The following SLC34A2 variants were observed in gnomAD, a reference collection of about 807,000 sequenced individuals.
SLC34A2 encodes the protein solute carrier family 34 member 2.
SLC34A2 carries 41 observed loss-of-function variants against 50.8 expected under a neutral mutation model. The observed-to-expected ratio is 0.81, with a 90% CI of 0.63 to 1.05. The LOEUF (loss-of-function observed/expected upper bound fraction) is 1.05. Ranked by LOEUF, SLC34A2 falls within the 50% of genes least tolerant of loss-of-function variation. SLC34A2 has a pLI of 0.00. For synonymous variants in SLC34A2, 401 were observed against 364.2 expected (o/e 1.10, Z -1.15); for missense variants, 879 against 876.7 (o/e 1.00, Z -0.03).
At position 25,676,646 on chromosome 4, in the gene SLC34A2, T is replaced by A. The variant is rs1577506439; in HGVS notation, c.1970T>A (p.Val657Asp). The A allele has an allele frequency of 6.2e-7, 1 of 1,614,110 alleles. No individual in the cohort carries two copies. The highest frequency in any genetic ancestry group is 1.3e-5 in the African/African-American group (1 of 75,050). The change falls in exon 13 of 13, where the codon GTC becomes GAC. Residue 657 changes from valine to aspartate, a missense_variant. By Grantham distance (152) the Val-to-Asp change is radical. Transcript: ENST00000382051. Reference sequence around the variant, plus strand: ...GAGGAGGCGCAGGAGGGGCAGGATGTCCCTGTCAAGGCTCCTGAGACCTTT... The same window carrying A: ...GAGGAGGCGCAGGAGGGGCAGGATGACCCTGTCAAGGCTCCTGAGACCTTT... ...DLEEAQEGQD[V>D]PVKAPETFDN...
At position 25,676,476 on chromosome 4, in the gene SLC34A2, G is replaced by A. The variant is rs372260981; in HGVS notation, c.1800G>A (p.Leu600=). The A allele has an allele frequency of 6.2e-7, 1 of 1,614,210 alleles. No homozygotes were observed. The part of the protein sequence containing the change: ...WNFLPLWMRS[L]KPWDAVVSKF... ...TCCTGCCGCTGTGGATGCGCTCGCT[G>A]AAGCCCTGGGATGCCGTCGTCTCCA... The change falls in exon 13 of 13, where the codon CTG becomes CTA. Residue 600 remains leucine (L), a synonymous_variant. Transcript: ENST00000382051.
At chr4:25,656,113 A>G (rs1713867202) in intron 1 of SLC34A2, among the ~76,000 whole-genome samples, 1 of 152,086 alleles carries the variant, frequency 6.6e-6, no homozygotes, top group Admixed American at 6.5e-5. Flanking sequence ...CTTACGATCG[A>G]CAGTGTTATT....
chr4:25,669,881 C>T lies in SLC34A2; in HGVS notation c.831+39C>T, dbSNP rs747519824. On this transcript the variant is annotated intron_variant, in intron 7 of 12. Transcript: ENST00000382051. Reference sequence around the variant, plus strand: ...TTCAGAGAGAGAAGGAGACTAACTTCCTACCCACAACATCCCCTACCTGAG... The same window carrying T: ...TTCAGAGAGAGAAGGAGACTAACTTTCTACCCACAACATCCCCTACCTGAG... 7 of 1,543,412 alleles carry T rather than the reference C, an allele frequency of 4.5e-6. No homozygotes were observed. In the East Asian group the frequency reaches 1.3e-4, roughly 30 times the overall value.
intron 6 of SLC34A2, among the ~76,000 whole-genome samples, chr4:25,668,514 C>T (rs572363492): frequency 2.0e-5 from 3 of 152,158 alleles, no homozygotes; most frequent in Non-Finnish European, 4.4e-5. Flanking sequence ...TGGTTGCCAG[C>T]GTCTGTAATC....
rs1374202786 is a variant in SLC34A2, at chr4:25,676,153, T to G, written c.1477T>G (p.Phe493Val). ...GTTGCAGATCGCCCTGTGCCACTTT[T>G]TCTTCAACATCTCCGGCATCTTGCT... is the stretch of plus-strand genomic sequence containing the variant. The part of the protein sequence containing the change: ...SSLQIALCHF[F>V]FNISGILLWY... The change falls in exon 13 of 13, where the codon TTC (phenylalanine) becomes GTC (valine). Residue 493 changes from phenylalanine to valine, a missense_variant. Phe to Val is a conservative substitution (Grantham distance 50). Transcript: ENST00000382051. 3 of 1,614,150 alleles carry G rather than the reference T, an allele frequency of 1.9e-6. No individual in the cohort carries two copies. The highest frequency in any genetic ancestry group is 2.5e-6 in the Non-Finnish European group (3 of 1,180,032).
chr4:25,656,974 C>T lies in SLC34A2; in HGVS notation c.-4+1084C>T, dbSNP rs1248321259. Among the ~76,000 whole-genome samples, 5 of 152,148 alleles carry T rather than the reference C, an allele frequency of 3.3e-5. No homozygotes were observed. In the South Asian group the frequency reaches 8.3e-4, roughly 25 times the overall value. ...GGAAAACTGTGCTTGTAGGAGTGGC[C>T]GTTGTTTCAGATTGTTAAAGAAAAA... is the stretch of plus-strand genomic sequence containing the variant. On this transcript the variant is annotated intron_variant, in intron 1 of 12. Coordinates refer to ENST00000382051, the MANE Select transcript of SLC34A2 (RefSeq NM_006424.3).
intron 1 of SLC34A2, among the ~76,000 whole-genome samples, chr4:25,658,952 TGCAACATTCTTGGGCGG>T (rs1284043758): frequency 2.0e-5 from 2 of 99,632 alleles, no homozygotes; most frequent in African/African-American, 7.7e-5. Flanking sequence ...GCTCATCCAT[TGCAACATTCTTGGGCGG>T]GCATTTCCAG....
intron 6 of SLC34A2, 113 bp downstream of exon 6, chr4:25,668,104 G>T (rs1393974416): frequency 2.7e-6 from 2 of 750,022 alleles, no homozygotes; most frequent in African/African-American, 3.4e-5. Context: ...CATTCCTGGA[G>T]TTCCTAGAAG....
intron 1 of SLC34A2, among the ~76,000 whole-genome samples, chr4:25,661,776 T>C (rs1714197834): frequency 6.6e-6 from 1 of 152,202 alleles, no homozygotes; most frequent in African/African-American, 2.4e-5. Flanking sequence ...AGTGCACTTG[T>C]CTTGATATAA....
At chr4:25,660,159 C>T (rs1414078336) in intron 1 of SLC34A2, among the ~76,000 whole-genome samples, 1 of 152,204 alleles carries the variant, frequency 6.6e-6, no homozygotes, top group Non-Finnish European at 1.5e-5. Flanking sequence ...ATATGCCCGG[C>T]AGGGCTCAAG....
At chr4:25,667,680 A>G (rs920110291) in intron 5 of SLC34A2, among the ~76,000 whole-genome samples, 200 bp from the exon 6 acceptor site, 12 of 152,278 alleles carry the variant, frequency 7.9e-5, no homozygotes, top group Non-Finnish European at 1.8e-4. Flanking sequence ...TGGATCTGCA[A>G]TAGGGAGGAA....
intron 7 of SLC34A2, among the ~76,000 whole-genome samples, 179 bp from the exon 8 acceptor site, chr4:25,670,559 C>A (rs1038604105): frequency 2.6e-5 from 4 of 152,188 alleles, no homozygotes; most frequent in African/African-American, 7.2e-5. Flanking sequence ...CAGAAAATAT[C>A]TACTGTCTGC....
Position 25,676,327 on chromosome 4 carries a change from G to A in SLC34A2, c.1651G>A (p.Gly551Ser). The A allele has an allele frequency of 6.2e-7, 1 of 1,614,144 alleles. No homozygotes were observed. Among genetic ancestry groups the A allele is most frequent in the Non-Finnish European group, 8.5e-7 (1 of 1,180,038 alleles). ...PLTVFGLSLAGWRVLVGVGVP... is the reference protein window; with the variant it reads ...PLTVFGLSLASWRVLVGVGVP... The stretch of plus-strand genomic sequence containing the variant: ...GACGGTGTTTGGCCTCTCGCTGGCC[G>A]GCTGGCGGGTGCTGGTTGGTGTCGG... The change falls in exon 13 of 13, where the codon GGC becomes AGC. Residue 551 changes from glycine to serine, a missense_variant. Coordinates refer to ENST00000382051, the MANE Select transcript of SLC34A2 (RefSeq NM_006424.3).
In SLC34A2 at chr4:25,676,767, C is replaced by A; in HGVS notation, c.*18C>A. The A allele has an allele frequency of 6.2e-7, 1 of 1,613,998 alleles. No individual in the cohort carries two copies. The highest frequency in any genetic ancestry group is 8.5e-7 in the Non-Finnish European group (1 of 1,180,008). On this transcript the variant is annotated 3_prime_UTR_variant, in exon 13 of 13. Coordinates refer to ENST00000382051, the MANE Select transcript of SLC34A2 (RefSeq NM_006424.3). ...CCTTGTAGGGGACGCCCCAGATTGT[C>A]AGGGATGGGGGGATGGTCCTTGAGT...
chr4:25,662,529 C>A lies in SLC34A2; in HGVS notation c.29C>A (p.Ala10Asp), dbSNP rs541244250. 2.5e-6 allele frequency: 4 copies of A among 1,614,094 alleles called. No homozygotes were observed. The East Asian group carries it at 8.9e-5, about 36-fold the overall frequency. ...GCTCCCTGGCCTGAATTGGGAGATGCCCAGCCCAACCCCGATAAGTACCTC... is the reference window on the plus strand; with the variant it reads ...GCTCCCTGGCCTGAATTGGGAGATGACCAGCCCAACCCCGATAAGTACCTC... The part of the protein sequence containing the change: MAPWPELGD[A>D]QPNPDKYLEG... Residue 10 changes from alanine (A) to aspartate (D), a missense_variant, in exon 2 of 13, where the codon GCC becomes GAC. Coordinates refer to ENST00000382051, the MANE Select transcript of SLC34A2 (RefSeq NM_006424.3).
chr4:25,659,251 TCTGTACA>T (rs1374202064), intron 1 of SLC34A2, among the ~76,000 whole-genome samples: 3 of 152,114 alleles, frequency 2.0e-5, no homozygotes, highest in African/African-American at 7.2e-5. Context: ...AGTTTCTTTG[TCTGTACA>T]CTGAGAAGAA....
At chr4:25,671,767 G>A (rs202015629) in intron 9 of SLC34A2, 46 bp downstream of exon 9, 610 of 1,613,652 alleles carry the variant, frequency 3.8e-4, no homozygotes, top group Non-Finnish European at 4.9e-4. Context: ...GTGTTGTCTG[G>A]GGGTGACCTA....
rs1239027168 is a variant in SLC34A2 at position 25,676,611 on chromosome 4, C to T, written c.1935C>T (p.Cys645=). The T allele has an allele frequency of 2.5e-6, 4 of 1,613,760 alleles. No individual in the cohort carries two copies. The highest frequency in any genetic ancestry group is 2.2e-5 in the South Asian group (2 of 91,086). Reference sequence around the variant, plus strand: ...AGTGCTGCCGCTGCAGCAAGTGCTGCGAGGACTTGGAGGAGGCGCAGGAGG... The same window carrying T: ...AGTGCTGCCGCTGCAGCAAGTGCTGTGAGGACTTGGAGGAGGCGCAGGAGG... ...CPKCCRCSKC[C]EDLEEAQEGQ... Residue 645 remains cysteine (C), a synonymous_variant, in exon 13 of 13, where the codon TGC becomes TGT. Transcript: ENST00000382051.
At chr4:25,671,916 TC>T (rs1714839606) in intron 9 of SLC34A2, among the ~76,000 whole-genome samples, 195 bp downstream of exon 9, 1 of 152,166 alleles carries the variant, frequency 6.6e-6, no homozygotes, top group Non-Finnish European at 1.5e-5. Flanking sequence ...AGGCCTGAGG[TC>T]CCACAGCAAG....
Sources: allele counts gnomAD v4.1 joint callset (sites outside exome capture counted in the v4.1 genomes callset), GRCh38; gene constraint gnomAD v4.1.1; transcripts MANE v1.5; gene names NCBI Gene and HGNC (gene_info 2026-07-23, HGNC 2026-07-21).